PIK3C2B: variants seen among roughly 807,000 people sequenced by gnomAD.
PIK3C2B encodes phosphatidylinositol 4-phosphate 3-kinase C2 domain-containing subunit beta.
PIK3C2B carries 83 observed loss-of-function variants against 184.3 expected under a neutral mutation model. That is an observed-to-expected ratio of 0.45 (90% CI 0.38 to 0.54). The LOEUF (loss-of-function observed/expected upper bound fraction) is 0.54, where lower values mean the gene tolerates loss of function less well. Ranked by LOEUF, PIK3C2B falls within the 20% of genes least tolerant of loss-of-function variation. The probability of loss-of-function intolerance (pLI) is 0.00; values close to 1 mark genes in which losing one functional copy is unlikely to be tolerated. For missense variants in PIK3C2B, 1,736 were observed against 2,113.5 expected, an observed-to-expected ratio of 0.82 and a Z score of 3.50; for synonymous variants, 779 against 837.6, an observed-to-expected ratio of 0.93 and a Z score of 1.21.
intron 11 of PIK3C2B, among the ~76,000 whole-genome samples, chr1:204,455,279 C>T (rs915563474): frequency 1.1e-4 from 17 of 151,256 alleles, no homozygotes; most frequent in South Asian, 1.0e-3. Flanking sequence ...CTCTGCCAAT[C>T]GCCCAGAGGA....
In PIK3C2B at chr1:204,433,879, G is replaced by T; in HGVS notation, c.3757C>A (p.Arg1253Ser). ...CAAAGGTCAACAAAATCATGGAAGC[G>T]GCTGGAAGGCTTGTCACCCCCGTTG... ...VINGGDKPSS[R>S]FHDFVDLCCQ... is the part of the protein sequence containing the mutation. The change falls in exon 25 of 33, where the codon CGC (arginine) becomes AGC (serine). Residue 1253 changes from arginine to serine, a missense_variant. By Grantham distance (110) the Arg-to-Ser change is moderately radical. Around this residue, in one of 8 missense-constraint regions of PIK3C2B, gnomAD observed 119 missense variants for 179.3 expected, o/e 0.66. Coordinates refer to ENST00000684373, the MANE Select transcript of PIK3C2B (RefSeq NM_001377334.1). This position sits in a 1 kb window ranked among gnomAD's most constrained non-coding sequence, Gnocchi z 5.0. 6.2e-7 allele frequency: 1 copy of T among 1,614,048 alleles called. No homozygotes were observed. The highest frequency in any genetic ancestry group is 8.5e-7 in the Non-Finnish European group (1 of 1,179,922).
chr1:204,429,133 T>G (rs1674903332), intron 29 of PIK3C2B, among the ~76,000 whole-genome samples: 1 of 151,466 alleles, frequency 6.6e-6, no homozygotes, highest in Non-Finnish European at 1.5e-5. Flanking sequence ...GAGACTGAGG[T>G]GGGAGGATCG....
chr1:204,462,047 G>A (rs1199100877), intron 5 of PIK3C2B, among the ~76,000 whole-genome samples: 1 of 152,148 alleles, frequency 6.6e-6, no homozygotes, highest in Non-Finnish European at 1.5e-5. Context: ...TTTTCTGTTG[G>A]GTGGGAGTGG....
intron 1 of PIK3C2B, among the ~76,000 whole-genome samples, chr1:204,491,622 A>T (rs1014950196): frequency 6.6e-6 from 1 of 152,196 alleles, no homozygotes; most frequent in Non-Finnish European, 1.5e-5. Context: ...ACTTGAGCCC[A>T]CTGCACTCCA....
chr1:204,425,585 G>A (rs769589437), intron 32 of PIK3C2B, 28 bp downstream of exon 32: 1 of 1,612,914 alleles, frequency 6.2e-7, no homozygotes, highest in Non-Finnish European at 8.5e-7. Context: ...GCCAACCCCT[G>A]CCCTACCCCA....
rs780921923 is a variant in PIK3C2B, at chr1:204,432,185, G to T, written c.4155+15C>A. The T allele has an allele frequency of 6.2e-7, 1 of 1,609,496 alleles. No homozygotes were observed. The highest frequency in any genetic ancestry group is 8.5e-7 in the Non-Finnish European group (1 of 1,176,476). On this transcript the variant is annotated intron_variant, in intron 27 of 32. Coordinates refer to ENST00000684373, the MANE Select transcript of PIK3C2B (RefSeq NM_001377334.1). ...AGAGAGCAGGAAAGGGGGTCAGATT[G>T]GAGAAAACACTTACATAGCCTTTGT... is the stretch of plus-strand genomic sequence containing the variant.
At chr1:204,488,935 C>T (rs1360183533) in intron 1 of PIK3C2B, among the ~76,000 whole-genome samples, 1 of 152,124 alleles carries the variant, frequency 6.6e-6, no homozygotes, top group Non-Finnish European at 1.5e-5. Flanking sequence ...GACTTAAACC[C>T]TTGTGATCCT....
chr1:204,428,735 G>A lies in PIK3C2B; in HGVS notation c.4399-515C>T, dbSNP rs142391605. 1.6e-3 allele frequency among the ~76,000 whole-genome samples: 244 copies of A among 152,032 alleles called. 2 individuals carry two copies. The highest frequency in any genetic ancestry group is 5.5e-3 in the African/African-American group (229 of 41,470). ...TAACCTCAGGTGATCCACCTGCCTC[G>A]GCCTCCCAAAGTGCTAAGATTACAG... On this transcript the variant is annotated intron_variant, in intron 29 of 32. Transcript: ENST00000684373.
intron 1 of PIK3C2B, chr1:204,489,999 G>C: frequency 2.5e-6 from 1 of 397,118 alleles, no homozygotes; most frequent in Non-Finnish European, 4.4e-6. Flanking sequence ...CTTCCTGGTG[G>C]GCTTGGCTTA....
rs2103481841 is a variant in PIK3C2B, at chr1:204,442,651, A to G, written c.3049-18T>C. 1.3e-6 allele frequency: 2 copies of G among 1,500,036 alleles called. No homozygotes were observed. Among genetic ancestry groups the G allele is most frequent in the Non-Finnish European group, 1.8e-6 (2 of 1,099,996 alleles). 92.9% of individuals were successfully genotyped at this position (1,500,036 alleles called of 1,614,324 possible). On this transcript the variant is annotated intron_variant, in intron 19 of 32. Coordinates refer to ENST00000684373, the MANE Select transcript of PIK3C2B (RefSeq NM_001377334.1). ...AGGATTCCCTGGAAAGAAGGGGAGG[A>G]GTACAGCAGGGGTGAAATGGAGGGT...
chr1:204,431,888 G>A, intron 27 of PIK3C2B, 95 bp from the exon 28 acceptor site: 1 of 1,372,432 alleles, frequency 7.3e-7, no homozygotes, highest in Non-Finnish European at 1.0e-6. Flanking sequence ...TGTGCTGAGG[G>A]GAGGGGCACA....
At chr1:204,448,204 C>T (rs1175935975) in intron 14 of PIK3C2B, among the ~76,000 whole-genome samples, 1 of 151,508 alleles carries the variant, frequency 6.6e-6, no homozygotes, top group African/African-American at 2.4e-5. Flanking sequence ...ACCTCTGCCT[C>T]CCCGGTTCAA....
At chr1:204,444,518 G>T in intron 16 of PIK3C2B, 94 bp from the exon 17 acceptor site, 1 of 858,960 alleles carries the variant, frequency 1.2e-6, no homozygotes, top group Non-Finnish European at 1.9e-6. Flanking sequence ...CAGAGGCATG[G>T]AGAAAGAAAA....
chr1:204,431,540 C>A, intron 28 of PIK3C2B, 129 bp downstream of exon 28: 2 of 1,189,092 alleles, frequency 1.7e-6, no homozygotes, highest in South Asian at 1.3e-5. Context: ...CCATACCAGG[C>A]CAAGCAAAGC....
At chr1:204,483,713 G>A (rs774612520) in intron 1 of PIK3C2B, among the ~76,000 whole-genome samples, 11 of 152,154 alleles carry the variant, frequency 7.2e-5, no homozygotes, top group South Asian at 6.2e-4. Context: ...GCCTTTCTCC[G>A]ATCTCTTATC....
Position 204,424,819 on chromosome 1 carries a change from A to G in PIK3C2B, c.*33T>C, listed in dbSNP as rs370055028. 171 of 1,609,214 alleles carry G rather than the reference A, an allele frequency of 1.1e-4. No individual in the cohort carries two copies. The African/African-American group carries it at 2.1e-3, about 20-fold the overall frequency. ...GTCCTCTCCCCCAGCTCCTGCCACC[A>G]GCCTGGGATGCTGGGTGGTGGCTCT... On this transcript the variant is annotated 3_prime_UTR_variant, in exon 33 of 33. Transcript: ENST00000684373.
rs1653564899 is a variant in PIK3C2B, at chr1:204,443,536, C to T, written c.2929G>A (p.Ala977Thr). Residue 977 changes from alanine (A) to threonine (T), a missense_variant, in exon 19 of 33, where the codon GCC becomes ACC. Physicochemically the swap from Ala to Thr is moderately conservative, Grantham distance 58 (BLOSUM62 0). Coordinates refer to ENST00000684373, the MANE Select transcript of PIK3C2B (RefSeq NM_001377334.1). ...CCCTTGCCACAGCAGCACAGTAAGG[C>T]TGCCAGCAGATACTGGTAGCGGATG... ...FSIRYQYLLA[A>T]LLCCCGKGLR... The T allele has an allele frequency of 6.2e-7, 1 of 1,614,226 alleles. No homozygotes were observed.
In PIK3C2B at chr1:204,439,055, G is replaced by T. The variant is rs1320738579; in HGVS notation, c.3396C>A (p.Ile1132=). Reference sequence around the variant, plus strand: ...TCTTACGCAGGGTCTCAGCATTAGGGATCATCTCCACCATCCCTGTGAGGG... The same window carrying T: ...TCTTACGCAGGGTCTCAGCATTAGGTATCATCTCCACCATCCCTGTGAGGG... ...TGRGRGMVEM[I]PNAETLRKIQ... is the part of the protein sequence containing the mutation. The change falls in exon 23 of 33, where the codon ATC becomes ATA. Residue 1132 remains isoleucine, a synonymous_variant. Transcript: ENST00000684373. The T allele has an allele frequency of 6.2e-7, 1 of 1,613,798 alleles. No individual in the cohort carries two copies. The highest frequency in any genetic ancestry group is 8.5e-7 in the Non-Finnish European group (1 of 1,179,912).
At chr1:204,486,632 A>T (rs1039537199) in intron 1 of PIK3C2B, among the ~76,000 whole-genome samples, 1 of 152,054 alleles carries the variant, frequency 6.6e-6, no homozygotes, top group Admixed American at 6.6e-5. Flanking sequence ...TGGGAGGCAG[A>T]GGTGGGAGAA....
Sources: gnomAD v4.1 joint callset for allele counts (sites outside exome capture counted in the v4.1 genomes callset) on GRCh38, gnomAD v4.1.1 for gene constraint, gnomAD v4.1.1 regional missense constraint, Gnocchi (gnomAD v3.1) non-coding constraint, MANE v1.5 for transcripts, NCBI Gene and HGNC (gene_info 2026-07-23, HGNC 2026-07-21) for gene names.